TNC: variants seen among roughly 807,000 people sequenced by gnomAD.
TNC encodes tenascin C.
A neutral mutation model predicts 202.4 loss-of-function variants in TNC; 109 were observed. The observed-to-expected ratio is 0.54, with a 90% CI of 0.46 to 0.63. TNC has a LOEUF of 0.63. Among genes scored for constraint, TNC ranks in the 30% least tolerant of loss-of-function variants. The probability of loss-of-function intolerance (pLI) is 0.00; values close to 1 mark genes in which losing one functional copy is unlikely to be tolerated. For missense variants in TNC, 2,756 were observed against 2,833.3 expected (o/e 0.97, Z 0.62); for synonymous variants, 1,007 against 1,089.7 (o/e 0.92, Z 1.50).
intron 17 of TNC, among the ~76,000 whole-genome samples, chr9:115,045,715 T>C (rs1207134946): frequency 6.6e-6 from 1 of 151,792 alleles, no homozygotes. Flanking sequence ...TTTTTTTTTT[T>C]TCTCCTTGAA....
intron 19 of TNC, among the ~76,000 whole-genome samples, chr9:115,038,893 T>C (rs938491781): frequency 3.9e-5 from 6 of 152,146 alleles, no homozygotes; most frequent in Non-Finnish European, 7.4e-5. Context: ...AGTGGCACGA[T>C]CTCGGCTCAC....
At chr9:115,035,969 A>G in intron 21 of TNC, 129 bp downstream of exon 21, 1 of 1,081,978 alleles carries the variant, frequency 9.2e-7, no homozygotes, top group Non-Finnish European at 1.3e-6. Context: ...AATTTAAGTG[A>G]TGCTGATGTA....
rs1191785265 is a variant in TNC at position 115,082,789 on chromosome 9, C to A, written c.2150G>T (p.Gly717Val). 1 of 1,613,878 alleles carries A rather than the reference C, an allele frequency of 6.2e-7. No individual in the cohort carries two copies. The highest frequency in any genetic ancestry group is 1.7e-5 in the Admixed American group (1 of 60,020). Residue 717 changes from glycine (G) to valine (V), a missense_variant, in exon 5 of 28, where the codon GGC becomes GTC. Coordinates refer to ENST00000350763, the MANE Select transcript of TNC (RefSeq NM_002160.4). ...RVATYLPAPE[G>V]LKFKSIKETS... is the part of the protein sequence containing the mutation. ...CTCCTTGATGGACTTGAATTTCAGGCCTTCAGGTGCAGGTAAGTCTGTAAG... is the reference window on the plus strand; with the variant it reads ...CTCCTTGATGGACTTGAATTTCAGGACTTCAGGTGCAGGTAAGTCTGTAAG...
chr9:115,021,285 G>T lies in TNC; in HGVS notation c.6496-18C>A. On this transcript the variant is annotated intron_variant, in intron 27 of 27. Transcript: ENST00000350763. ...TTAACGCCCTGTTAAAAAAAAAAAA[G>T]AGAGAGAGAGAGAGAGAGAGAAGGC... is the stretch of plus-strand genomic sequence containing the variant. The T allele has an allele frequency of 1.4e-6, 1 of 703,794 alleles. No homozygotes were observed. The highest frequency in any genetic ancestry group is 2.0e-6 in the Non-Finnish European group (1 of 504,348). The allele number at this position is 703,794 out of a possible 1,614,324, so 43.6% of individuals were successfully genotyped here. A position where few individuals can be genotyped will look rare whatever the true frequency, so the allele number is the denominator to read the frequency against.
chr9:115,086,057 G>A lies in TNC; in HGVS notation c.1674C>T (p.Cys558=). ...VCHEGFMGKD[C]KEQRCPSDCH... ...AGTCACTGGGACATCTTTGCTCCTT[G>A]CAGTCTTTGCCCATAAATCCTTCAT... is the stretch of plus-strand genomic sequence containing the variant. The change falls in exon 3 of 28, where the codon TGC becomes TGT. Residue 558 remains cysteine, a synonymous_variant. Coordinates refer to ENST00000350763, the MANE Select transcript of TNC (RefSeq NM_002160.4). 5.0e-6 allele frequency: 8 copies of A among 1,614,116 alleles called. No homozygotes were observed. Among genetic ancestry groups the A allele is most frequent in the Admixed American group, 1.7e-5 (1 of 60,020 alleles).
At chr9:115,050,401 A>C (rs1210010884) in intron 15 of TNC, among the ~76,000 whole-genome samples, 4 of 152,006 alleles carry the variant, frequency 2.6e-5, no homozygotes, top group African/African-American at 9.7e-5. Context: ...AGCCGCTACA[A>C]GCAATGGCCT....
At position 115,036,218 on chromosome 9, in the gene TNC, A is replaced by T. The variant is rs1309974820; in HGVS notation, c.5536T>A (p.Ser1846Thr). The T allele has an allele frequency of 1.2e-6, 2 of 1,614,104 alleles. No homozygotes were observed. Among genetic ancestry groups the T allele is most frequent in the African/African-American group, 2.7e-5 (2 of 75,022 alleles). The change falls in exon 21 of 28, where the codon TCC becomes ACC. Residue 1846 changes from serine to threonine, a missense_variant. Ser to Thr is a moderately conservative substitution (Grantham distance 58). This residue lies in a region of TNC where 2,559 missense variants were observed against 2,546.0 expected (regional missense o/e 1.01). Transcript: ENST00000350763. Reference protein sequence around the residue: ...EKVPEITRTVSGNTVEYALTD... With the variant: ...EKVPEITRTVTGNTVEYALTD... ...AGAGCATACTCCACTGTGTTCCCGG[A>T]CACCGTGCGTGTAATTTCTGGCACT...
intron 9 of TNC, among the ~76,000 whole-genome samples, chr9:115,074,476 C>T (rs1370286511): frequency 3.3e-5 from 5 of 152,210 alleles, no homozygotes; most frequent in South Asian, 2.1e-4. Flanking sequence ...TCTTGGACTT[C>T]GCAGCCTTCA....
intron 1 of TNC, among the ~76,000 whole-genome samples, chr9:115,095,273 T>C (rs2133828248): frequency 6.6e-6 from 1 of 152,054 alleles, no homozygotes; most frequent in East Asian, 1.9e-4. Flanking sequence ...ACATTTGTAA[T>C]GAAAAATATG....
chr9:115,099,984 C>G (rs1588211553), intron 1 of TNC, among the ~76,000 whole-genome samples: 1 of 152,178 alleles, frequency 6.6e-6, no homozygotes, highest in Non-Finnish European at 1.5e-5. Flanking sequence ...TCTTCTAACT[C>G]AGTAGCAAGA....
chr9:115,087,527 G>GGTGTGTGTGTGTGT (rs57327715), intron 2 of TNC, among the ~76,000 whole-genome samples: 28 of 148,844 alleles, frequency 1.9e-4, no homozygotes, highest in South Asian at 6.6e-4. Context: ...TATGCATAGG[G>GGTGTGTGTGTGTGT]GTGTGTGTGT....
In TNC at chr9:115,029,453, A is replaced by G. The variant is rs752094507; in HGVS notation, c.6076T>C (p.Phe2026Leu). Reference sequence around the variant, plus strand: ...TCGCGTCCGTTTTTGCGTCTCAGGAACACCTATAAACATATCGATGAATCT... The same window carrying G: ...TCGCGTCCGTTTTTGCGTCTCAGGAGCACCTATAAACATATCGATGAATCT... ...MTSDGGGWIVFLRRKNGRENF... is the reference protein window; with the variant it reads ...MTSDGGGWIVLLRRKNGRENF... The change falls in exon 25 of 28, where the codon TTC becomes CTC. Residue 2026 changes from phenylalanine (F) to leucine (L), a missense_variant. Phe to Leu is a conservative substitution (Grantham distance 22, BLOSUM62 0). Around this residue, in one of 2 missense-constraint regions of TNC, gnomAD observed 197 missense variants for 287.3 expected, o/e 0.69. Coordinates refer to ENST00000350763, the MANE Select transcript of TNC (RefSeq NM_002160.4). The G allele has an allele frequency of 6.2e-7, 1 of 1,614,030 alleles. No individual in the cohort carries two copies. Among genetic ancestry groups the G allele is most frequent in the Non-Finnish European group, 8.5e-7 (1 of 1,179,908 alleles).
chr9:115,023,383 C>T (rs139729460), intron 27 of TNC, among the ~76,000 whole-genome samples: 4 of 152,226 alleles, frequency 2.6e-5, no homozygotes, highest in African/African-American at 7.2e-5. Flanking sequence ...GATCCGTTCG[C>T]CTATTTCTAA....
Position 115,020,002 on chromosome 9 carries a change from G to A in TNC, c.*1155C>T, listed in dbSNP as rs1828958464. 6.6e-6 allele frequency: 1 copy of A among 152,014 alleles called. No homozygotes were observed. The highest frequency in any genetic ancestry group is 1.5e-5 in the Non-Finnish European group (1 of 68,022). The allele number at this position is 152,014 out of a possible 1,614,324, so 9.4% of individuals were successfully genotyped here. The stretch of plus-strand genomic sequence containing the variant: ...ATAATCTATTAGTCTTGGAAATACT[G>A]AGCAAGATGCTGAATCTCAAGTTGT... On this transcript the variant is annotated 3_prime_UTR_variant, in exon 28 of 28. Coordinates refer to ENST00000350763, the MANE Select transcript of TNC (RefSeq NM_002160.4).
rs1246361664 is a variant in TNC at position 115,053,236 on chromosome 9, T to C, written c.4579+3917A>G. ...ATTTGTGTTCTTTATTTTTATTTTA[T>C]TTTTTAGATCTGTGTTCTTTTAAAG... On this transcript the variant is annotated intron_variant, in intron 15 of 27. Coordinates refer to ENST00000350763, the MANE Select transcript of TNC (RefSeq NM_002160.4). Among the ~76,000 whole-genome samples the C allele has an allele frequency of 2.6e-5, 4 of 152,240 alleles. No homozygotes were observed. The East Asian group carries it at 5.8e-4, about 22-fold the overall frequency.
intron 1 of TNC, among the ~76,000 whole-genome samples, chr9:115,102,745 A>G (rs753568809): frequency 6.6e-6 from 1 of 152,262 alleles, no homozygotes; most frequent in Non-Finnish European, 1.5e-5. Context: ...ATGTGCAGTT[A>G]GATTGTATGT....
At position 115,063,150 on chromosome 9, in the gene TNC, A is replaced by C. The variant is rs767149849; in HGVS notation, c.3800T>G (p.Val1267Gly). 5.0e-6 allele frequency: 8 copies of C among 1,614,134 alleles called. No homozygotes were observed. The highest frequency in any genetic ancestry group is 6.8e-6 in the Non-Finnish European group (8 of 1,180,018). Reference sequence around the variant, plus strand: ...GTTCAGTCTGAGAGCATCCCAGCTAACCTCGGTCACTGTGAGGTTTCCCAT... The same window carrying C: ...GTTCAGTCTGAGAGCATCCCAGCTACCCTCGGTCACTGTGAGGTTTCCCAT... ...PDMGNLTVTE[V>G]SWDALRLNWT... The change falls in exon 13 of 28, where the codon GTT (valine) becomes GGT (glycine). Residue 1267 changes from valine to glycine, a missense_variant. Transcript: ENST00000350763.
chr9:115,064,050 C>T lies in TNC; in HGVS notation c.3506G>A (p.Gly1169Glu), dbSNP rs1194666337. Residue 1169 changes from glycine to glutamate, a missense_variant, in exon 12 of 28, where the codon GGA (glycine) becomes GAA (glutamate). By Grantham distance (98) the Gly-to-Glu change is moderately conservative (BLOSUM62 -2). Transcript: ENST00000350763. ...GCCCACCTCGGCCACCACGACCTCT[C>T]CCAAATTGGGAGTTTCCCCTGGAGA... ...EASTGETPNLGEVVVAEVGWD... is the reference protein window; with the variant it reads ...EASTGETPNLEEVVVAEVGWD... The T allele has an allele frequency of 1.2e-6, 2 of 1,607,270 alleles. No homozygotes were observed. The highest frequency in any genetic ancestry group is 1.7e-6 in the Non-Finnish European group (2 of 1,175,656).
At chr9:115,085,599 GCT>G (rs1834648405) in intron 3 of TNC, among the ~76,000 whole-genome samples, 1 of 152,164 alleles carries the variant, frequency 6.6e-6, no homozygotes, top group Admixed American at 6.5e-5. Flanking sequence ...TTGAATACCA[GCT>G]CTGTGATGTG....
Sources: gnomAD v4.1 joint callset for allele counts (sites outside exome capture counted in the v4.1 genomes callset) on GRCh38, gnomAD v4.1.1 for gene constraint, gnomAD v4.1.1 regional missense constraint, MANE v1.5 for transcripts, NCBI Gene and HGNC (gene_info 2026-07-23, HGNC 2026-07-21) for gene names.